The following OTUD4 variants were observed in gnomAD, a reference collection of about 807,000 sequenced individuals.
OTUD4 encodes the protein OTU domain-containing protein 4.
A neutral mutation model predicts 130.4 loss-of-function variants in OTUD4; 24 were observed. The observed-to-expected ratio is 0.18, with a 90% confidence interval of 0.13 to 0.26. The LOEUF (loss-of-function observed/expected upper bound fraction) is 0.26, where lower values mean the gene tolerates loss of function less well. Among genes scored for constraint, OTUD4 ranks in the 10% least tolerant of loss-of-function variants. The probability of loss-of-function intolerance (pLI) is 1.00; values close to 1 mark genes in which losing one functional copy is unlikely to be tolerated. For synonymous variants in OTUD4, 420 were observed against 472.5 expected (o/e 0.89, Z 1.44); for missense variants, 1,031 against 1,329.4 (o/e 0.78, Z 3.49).
chr4:145,170,607 ACT>A (rs1491463082), intron 3 of OTUD4, among the ~76,000 whole-genome samples: 2 of 152,150 alleles, frequency 1.3e-5, no homozygotes, highest in African/African-American at 4.8e-5. Flanking sequence ...TGATAGGGAA[ACT>A]TTTTTGTTAT....
intron 19 of OTUD4, 22 bp downstream of exon 19, chr4:145,141,357 T>G: frequency 6.4e-7 from 1 of 1,557,048 alleles, no homozygotes; most frequent in Non-Finnish European, 8.7e-7. Flanking sequence ...AAAGTCGATT[T>G]GAACTTGGAG....
intron 6 of OTUD4, among the ~76,000 whole-genome samples, chr4:145,161,002 C>T (rs1048793691): frequency 1.3e-5 from 2 of 151,836 alleles, no homozygotes; most frequent in Non-Finnish European, 1.5e-5. Flanking sequence ...CCAAGCTACT[C>T]GGGAGGCTGA....
intron 6 of OTUD4, among the ~76,000 whole-genome samples, chr4:145,160,900 AG>A: frequency 6.6e-6 from 1 of 152,138 alleles, no homozygotes; most frequent in East Asian, 1.9e-4. Context: ...AGTTGAGGTC[AG>A]GGGTTTAAGA....
intron 20 of OTUD4, among the ~76,000 whole-genome samples, chr4:145,139,577 A>C (rs953116374): frequency 6.6e-6 from 1 of 152,236 alleles, no homozygotes; most frequent in African/African-American, 2.4e-5. Context: ...AAATGAAAAA[A>C]GCTAGGCCCA....
Position 145,135,005 on chromosome 4 carries a change from G to A in OTUD4, c.*2425C>T, listed in dbSNP as rs948284046. On this transcript the variant is annotated 3_prime_UTR_variant, in exon 21 of 21. Transcript: ENST00000447906. ...AGTATGACATAACAGTTAAAATGAA[G>A]GACAAAAGCTTGCTTATCCTTAGTT... The A allele has an allele frequency of 2.5e-6, 1 of 396,076 alleles. No individual in the cohort carries two copies. The highest frequency in any genetic ancestry group is 2.1e-5 in the African/African-American group (1 of 48,534). 24.5% of individuals were successfully genotyped at this position (396,076 alleles called of 1,614,324 possible). A position where few individuals can be genotyped will look rare whatever the true frequency, so the allele number is the denominator to read the frequency against.
At chr4:145,146,486 A>G (rs1246370473) in intron 13 of OTUD4, 57 bp from the exon 14 acceptor site, 12 of 1,034,714 alleles carry the variant, frequency 1.2e-5, no homozygotes, top group Non-Finnish European at 1.6e-5. Context: ...AAATAAATAA[A>G]TAAAACATTC....
At chr4:145,155,877 A>G (rs1420934468) in intron 8 of OTUD4, 59 bp downstream of exon 8, 4 of 1,359,116 alleles carry the variant, frequency 2.9e-6, no homozygotes, top group Non-Finnish European at 4.1e-6. Flanking sequence ...TTAAGATTTT[A>G]ATGTACATGC....
intron 7 of OTUD4, 67 bp downstream of exon 7, chr4:145,159,436 T>G: frequency 6.2e-7 from 1 of 1,603,952 alleles, no homozygotes; most frequent in Non-Finnish European, 8.5e-7. Context: ...TTTACTGAAA[T>G]GTAAAGACAT....
intron 20 of OTUD4, among the ~76,000 whole-genome samples, chr4:145,139,241 A>T (rs1386097906): frequency 6.6e-6 from 1 of 152,248 alleles, no homozygotes; most frequent in Admixed American, 6.5e-5. Flanking sequence ...CATTAAATAC[A>T]TTAAAATTAA....
At chr4:145,139,047 C>T (rs1337943569) in intron 20 of OTUD4, among the ~76,000 whole-genome samples, 1 of 152,128 alleles carries the variant, frequency 6.6e-6, no homozygotes, top group African/African-American at 2.4e-5. Flanking sequence ...TCTCCAATGT[C>T]AGGACTCTGC....
At chr4:145,172,739 T>C (rs1214314368) in intron 2 of OTUD4, among the ~76,000 whole-genome samples, 1 of 152,108 alleles carries the variant, frequency 6.6e-6, no homozygotes. Flanking sequence ...GCCAAAAATA[T>C]CTTAAATTTC....
At position 145,150,703 on chromosome 4, in the gene OTUD4, T is replaced by C; in HGVS notation, c.1073-4A>G. On this transcript the variant is annotated splice_region_variant and splice_polypyrimidine_tract_variant and intron_variant, in intron 12 of 20. Transcript: ENST00000447906. Reference sequence around the variant, plus strand: ...TTTGGCCCTCTGTAATCCACATCTGTTGTAAGAACCCAAAAGTACATGATA... The same window carrying C: ...TTTGGCCCTCTGTAATCCACATCTGCTGTAAGAACCCAAAAGTACATGATA... 1 of 1,607,446 alleles carries C rather than the reference T, an allele frequency of 6.2e-7. No homozygotes were observed. Among genetic ancestry groups the C allele is most frequent in the East Asian group, 2.2e-5 (1 of 44,728 alleles).
At chr4:145,175,845 C>T (rs897121074) in intron 1 of OTUD4, among the ~76,000 whole-genome samples, 2 of 151,862 alleles carry the variant, frequency 1.3e-5, no homozygotes, top group African/African-American at 4.8e-5. Context: ...TGTGCCCAGC[C>T]TGAAACAACT....
chr4:145,155,198 A>AT, intron 10 of OTUD4, among the ~76,000 whole-genome samples: 1 of 152,338 alleles, frequency 6.6e-6, no homozygotes, highest in Non-Finnish European at 1.5e-5. Context: ...ATGTGATGGG[A>AT]TGCCACGGTT....
intron 7 of OTUD4, among the ~76,000 whole-genome samples, chr4:145,156,405 C>T (rs1751291875): frequency 6.6e-6 from 1 of 152,166 alleles, no homozygotes. Context: ...CTACATCAGC[C>T]GGCCATGGTG....
At chr4:145,141,356 T>C (rs547847604) in intron 19 of OTUD4, 23 bp downstream of exon 19, 48 of 1,557,278 alleles carry the variant, frequency 3.1e-5, no homozygotes, top group Middle Eastern at 1.7e-4. Context: ...TAAAGTCGAT[T>C]TGAACTTGGA....
In OTUD4 at chr4:145,179,822, G is replaced by A; in HGVS notation, c.152C>T (p.Ala51Val). 1.5e-6 allele frequency: 1 copy of A among 686,736 alleles called. No individual in the cohort carries two copies. The highest frequency in any genetic ancestry group is 5.1e-4 in the Middle Eastern group (1 of 1,952). 42.5% of individuals were successfully genotyped at this position (686,736 alleles called of 1,614,324 possible). A position where few individuals can be genotyped will look rare whatever the true frequency, so the allele number is the denominator to read the frequency against. ...CCGCCCCCCCGCAATTACCTGCTCC[G>A]CCACGGCCCGGAACAGGCACGACCC... ...KDGSCLFRAV[A>V]EQVLHSQSRH... Residue 51 changes from alanine (A) to valine (V), a missense_variant, in exon 1 of 21, where the codon GCG (alanine) becomes GTG (valine). Coordinates refer to ENST00000447906, the MANE Select transcript of OTUD4 (RefSeq NM_001366057.1).
intron 4 of OTUD4, 33 bp downstream of exon 4, chr4:145,165,117 CA>C (rs1751783520): frequency 8.0e-7 from 1 of 1,253,356 alleles, no homozygotes; most frequent in Non-Finnish European, 1.1e-6. Flanking sequence ...CCACTGGTTT[CA>C]TTTTCTTTTA....
At chr4:145,139,482 C>T (rs1211468952) in intron 20 of OTUD4, among the ~76,000 whole-genome samples, 2 of 152,200 alleles carry the variant, frequency 1.3e-5, no homozygotes, top group African/African-American at 4.8e-5. Context: ...AACAACCACA[C>T]TATCTTACAT....
Sources: gnomAD v4.1 joint callset for allele counts (sites outside exome capture counted in the v4.1 genomes callset) on GRCh38, gnomAD v4.1.1 for gene constraint, MANE v1.5 for transcripts, NCBI Gene and HGNC (gene_info 2026-07-23, HGNC 2026-07-21) for gene names.